The following DAPK1 variants were observed in gnomAD, a reference collection of about 807,000 sequenced individuals.
DAPK1 encodes the protein death associated protein kinase 1.
Under a neutral mutation model 144.9 loss-of-function variants are expected in DAPK1, and 56 were observed. That is an observed-to-expected ratio of 0.39 (90% CI 0.31 to 0.48). The LOEUF (loss-of-function observed/expected upper bound fraction) is 0.48. Ranked by LOEUF, DAPK1 falls within the 20% of genes least tolerant of loss-of-function variation. The pLI, the probability that DAPK1 is intolerant of heterozygous loss-of-function variation, is 0.95. For synonymous variants in DAPK1, 690 were observed against 749.0 expected, an observed-to-expected ratio of 0.92 and a Z score of 1.29; for missense variants, 1,454 against 1,875.4, an observed-to-expected ratio of 0.78 and a Z score of 4.15.
chr9:87,577,986 C>T (rs888455677), intron 2 of DAPK1, among the ~76,000 whole-genome samples: 2 of 151,998 alleles, frequency 1.3e-5, no homozygotes, highest in Admixed American at 6.6e-5. Flanking sequence ...AGGGATGAGG[C>T]GCGAGAAGCT....
chr9:87,706,889 G>A lies in DAPK1; in HGVS notation c.3818G>A (p.Gly1273Glu), dbSNP rs202163821. 3 of 1,614,026 alleles carry A rather than the reference G, an allele frequency of 1.9e-6. No homozygotes were observed. Among genetic ancestry groups the A allele is most frequent in the South Asian group, 1.1e-5 (1 of 91,078 alleles). ...GAAACCTCACTGACCAACACCATGG[G>A]GGGGTACAAGGAAAGCTTCAGCAGC... ...LKETSLTNTM[G>E]GYKESFSSIM... Residue 1273 changes from glycine to glutamate, a missense_variant, in exon 26 of 26, where the codon GGG (glycine) becomes GAG (glutamate). By Grantham distance (98) the Gly-to-Glu change is moderately conservative. Around this residue, in one of 2 missense-constraint regions of DAPK1, gnomAD observed 1,025 missense variants for 1,237.9 expected, o/e 0.83. Coordinates refer to ENST00000408954, the MANE Select transcript of DAPK1 (RefSeq NM_004938.4). The surrounding 1 kb of genome is among the most constrained non-coding windows in gnomAD (Gnocchi z 9.0).
At chr9:87,606,216 C>T (rs1264955266) in intron 3 of DAPK1, among the ~76,000 whole-genome samples, 5 of 152,122 alleles carry the variant, frequency 3.3e-5, no homozygotes, top group South Asian at 2.1e-4. Context: ...AGCTCCCAGG[C>T]GCCACCCTGC....
rs149620252 is a variant in DAPK1, at chr9:87,703,133, G to T, written c.2976G>T (p.Val992=). The change falls in exon 25 of 26, where the codon GTG becomes GTT. Residue 992 remains valine (V), a synonymous_variant. Transcript: ENST00000408954. ...AGCTGATGTCGCTGCAGCAGTTTGTGTACGACGTGCAGGACCAGCTGAACC... is the reference window on the plus strand; with the variant it reads ...AGCTGATGTCGCTGCAGCAGTTTGTTTACGACGTGCAGGACCAGCTGAACC... ...PNQLMSLQQF[V]YDVQDQLNPL... is the part of the protein sequence containing the mutation. 819 of 1,609,184 alleles carry T rather than the reference G, an allele frequency of 5.1e-4. 2 individuals are homozygous for T. In the African/African-American group the frequency reaches 9.2e-3, roughly 18 times the overall value.
chr9:87,616,296 C>T (rs1829094936), intron 3 of DAPK1, among the ~76,000 whole-genome samples: 1 of 152,250 alleles, frequency 6.6e-6, no homozygotes, highest in Middle Eastern at 3.4e-3. Flanking sequence ...GCATATGTTT[C>T]TTTGAGGGCA....
At chr9:87,681,326 A>AC in intron 19 of DAPK1, 78 bp from the exon 20 acceptor site, 1 of 799,218 alleles carries the variant, frequency 1.3e-6, no homozygotes. Context: ...AAAACTGCAC[A>AC]CCGGGGATTA....
chr9:87,571,331 T>C (rs1425212316), intron 2 of DAPK1, among the ~76,000 whole-genome samples: 3 of 151,782 alleles, frequency 2.0e-5, no homozygotes, highest in Non-Finnish European at 2.9e-5. Context: ...ATTGTAATCA[T>C]GGGCTGGTTT....
Position 87,706,845 on chromosome 9 carries a change from C to T in DAPK1, c.3774C>T (p.Phe1258=). 1 of 1,613,908 alleles carries T rather than the reference C, an allele frequency of 6.2e-7. No individual in the cohort carries two copies. The highest frequency in any genetic ancestry group is 8.5e-7 in the Non-Finnish European group (1 of 1,180,000). The part of the protein sequence containing the change: ...PVMIYQPRDF[F]RAQTLKETSL... ...TGATCTACCAGCCACGGGACTTCTT[C>T]CGGGCACAGACTCTGAAGGAAACCT... Residue 1258 remains phenylalanine, a synonymous_variant, in exon 26 of 26, where the codon TTC becomes TTT. Transcript: ENST00000408954. This position sits in a 1 kb window ranked among gnomAD's most constrained non-coding sequence, Gnocchi z 9.0.
intron 19 of DAPK1, among the ~76,000 whole-genome samples, chr9:87,679,486 C>T (rs558895308): frequency 6.6e-6 from 1 of 152,256 alleles, no homozygotes; most frequent in Admixed American, 6.5e-5. Context: ...ACCAGGGTGG[C>T]ATGGTCAGAG....
Position 87,691,554 on chromosome 9 carries a change from C to T in DAPK1, c.2413+4815C>T, listed in dbSNP as rs76948317. 4.7e-3 allele frequency among the ~76,000 whole-genome samples: 706 copies of T among 151,770 alleles called. 5 individuals are homozygous for T. Among genetic ancestry groups the T allele is most frequent in the African/African-American group, 0.016 (651 of 41,392 alleles). On this transcript the variant is annotated intron_variant, in intron 21 of 25. Transcript: ENST00000408954. ...ATTGTGGTTTGGCTTGTTTTTGCTTCTCTAGTTCTTTGAGGTGCATCATTC... is the reference window on the plus strand; with the variant it reads ...ATTGTGGTTTGGCTTGTTTTTGCTTTTCTAGTTCTTTGAGGTGCATCATTC...
chr9:87,599,438 T>C (rs7026974), intron 2 of DAPK1, among the ~76,000 whole-genome samples: 2,814 of 152,314 alleles, frequency 0.018, 93 homozygotes, highest in African/African-American at 0.065. Context: ...AGAAATTAGA[T>C]GTCAGCCTGT....
intron 3 of DAPK1, among the ~76,000 whole-genome samples, chr9:87,637,414 T>C (rs1045723149): frequency 1.3e-5 from 2 of 152,152 alleles, no homozygotes; most frequent in Non-Finnish European, 2.9e-5. Flanking sequence ...TTTTTATAAA[T>C]GTGTTAGTAT....
rs569371034 is a variant in DAPK1, at chr9:87,581,797, G to A, written c.63-23157G>A. Among the ~76,000 whole-genome samples, 3 of 152,292 alleles carry A rather than the reference G, an allele frequency of 2.0e-5. No homozygotes were observed. In the East Asian group the frequency reaches 5.8e-4, roughly 29 times the overall value. ...ACACAGGAAGATGTCTGCCACCGGGGAACAAACCAGCAATTCATCTCATGC... is the reference window on the plus strand; with the variant it reads ...ACACAGGAAGATGTCTGCCACCGGGAAACAAACCAGCAATTCATCTCATGC... On this transcript the variant is annotated intron_variant, in intron 2 of 25. Coordinates refer to ENST00000408954, the MANE Select transcript of DAPK1 (RefSeq NM_004938.4).
At chr9:87,675,086 C>G (rs1035842938) in intron 19 of DAPK1, among the ~76,000 whole-genome samples, 1 of 152,120 alleles carries the variant, frequency 6.6e-6, no homozygotes, top group African/African-American at 2.4e-5. Flanking sequence ...TGGCCTACAA[C>G]CCACTGCCTG....
At chr9:87,675,681 T>TA (rs1564064295) in intron 19 of DAPK1, among the ~76,000 whole-genome samples, 1 of 151,812 alleles carries the variant, frequency 6.6e-6, no homozygotes, top group African/African-American at 2.4e-5. Context: ...AGGGACCTGA[T>TA]AGGAGGTGAT....
At chr9:87,582,435 G>GTAT (rs1827782538) in intron 2 of DAPK1, among the ~76,000 whole-genome samples, 1 of 152,116 alleles carries the variant, frequency 6.6e-6, no homozygotes, top group African/African-American at 2.4e-5. Flanking sequence ...GACTTAAAAC[G>GTAT]TGGTCAGGAG....
chr9:87,616,747 G>A (rs1829112739), intron 3 of DAPK1, among the ~76,000 whole-genome samples: 1 of 151,646 alleles, frequency 6.6e-6, no homozygotes, highest in Admixed American at 6.6e-5. Flanking sequence ...CCCTGGAATG[G>A]ATAACTTCCT....
intron 2 of DAPK1, among the ~76,000 whole-genome samples, chr9:87,602,337 C>T (rs1264363983): frequency 6.6e-6 from 1 of 152,144 alleles, no homozygotes; most frequent in East Asian, 1.9e-4. Flanking sequence ...CGTATGGGGA[C>T]CCTGCAGTGT....
intron 18 of DAPK1, among the ~76,000 whole-genome samples, chr9:87,666,729 C>T (rs1297012133): frequency 1.3e-5 from 2 of 152,108 alleles, no homozygotes; most frequent in Non-Finnish European, 1.5e-5. Context: ...CCACCTCAGC[C>T]TCCCAAAATG....
At chr9:87,613,803 C>T (rs1447818649) in intron 3 of DAPK1, among the ~76,000 whole-genome samples, 1 of 152,182 alleles carries the variant, frequency 6.6e-6, no homozygotes, top group African/African-American at 2.4e-5. Flanking sequence ...TGGGCGCTCA[C>T]GAACCACAAT....
Sources: allele counts gnomAD v4.1 joint callset (sites outside exome capture counted in the v4.1 genomes callset), GRCh38; gene constraint gnomAD v4.1.1; regional missense constraint gnomAD v4.1.1; non-coding constraint Gnocchi (gnomAD v3.1); transcripts MANE v1.5; gene names NCBI Gene and HGNC (gene_info 2026-07-23, HGNC 2026-07-21).